Variants in SCAMP4 observed in about 807,000 individuals in gnomAD.
SCAMP4 encodes the protein secretory carrier membrane protein 4.
SCAMP4 carries 19 observed loss-of-function variants against 32.1 expected under a neutral mutation model. The observed-to-expected ratio is 0.59, with a 90% CI of 0.41 to 0.87. The LOEUF is 0.87. SCAMP4 is among the 40% of genes least tolerant of loss of function. SCAMP4 has a pLI of 0.00. For synonymous variants in SCAMP4, 152 were observed against 132.7 expected (o/e 1.15, Z -1.00); for missense variants, 302 against 309.0 (o/e 0.98, Z 0.17).
intron 3 of SCAMP4, 26 bp from the exon 4 acceptor site, chr19:1,918,101 C>T (rs370997241): frequency 1.3e-5 from 21 of 1,592,814 alleles, no homozygotes; most frequent in South Asian, 2.2e-5. Flanking sequence ...CGTGCCTGCT[C>T]ATCCGTCCTC....
chr19:1,913,188 G>T (rs2013591983), intron 1 of SCAMP4: 9 of 1,470,994 alleles, frequency 6.1e-6, no homozygotes, highest in Non-Finnish European at 8.1e-6. Context: ...TCCCGCTCCC[G>T]GCCGTGGGGC....
chr19:1,921,963 C>T (rs915081174), intron 5 of SCAMP4: 2 of 985,394 alleles, frequency 2.0e-6, no homozygotes, highest in South Asian at 4.7e-5. Context: ...ACGCCCCGTG[C>T]ATGTGTGTGC....
intron 1 of SCAMP4, chr19:1,912,058 G>C (rs2013480621): frequency 7.0e-7 from 1 of 1,431,622 alleles, no homozygotes; most frequent in African/African-American, 1.5e-5. Context: ...ATGATCCTCT[G>C]CTCCCGTCTC....
chr19:1,922,137 CTG>C (rs969231288), intron 5 of SCAMP4: 2 of 985,366 alleles, frequency 2.0e-6, no homozygotes, highest in Non-Finnish European at 2.4e-6. Context: ...CTCAAAATGA[CTG>C]TTTTCTGCCT....
At chr19:1,922,933 A>G in intron 5 of SCAMP4, 137 bp from the exon 6 acceptor site, 3 of 1,353,640 alleles carry the variant, frequency 2.2e-6, no homozygotes, top group South Asian at 1.9e-5. Context: ...TTTGTTGGCC[A>G]CTTGGTCGTC....
intron 6 of SCAMP4, 23 bp from the exon 7 acceptor site, chr19:1,924,085 C>T (rs1157055778): frequency 2.5e-6 from 4 of 1,568,890 alleles, no homozygotes; most frequent in Admixed American, 1.8e-5. Flanking sequence ...TGTCTTCTGC[C>T]TCCCTGTCCT....
chr19:1,919,236 A>G, intron 5 of SCAMP4: 1 of 1,366,554 alleles, frequency 7.3e-7, no homozygotes. Flanking sequence ...TCGCCCTGGC[A>G]GTGCCTGCGT....
intron 5 of SCAMP4, chr19:1,920,449 G>T: frequency 1.6e-6 from 1 of 615,040 alleles, no homozygotes; most frequent in Non-Finnish European, 2.0e-6. Context: ...TCCTGCACCT[G>T]CGCCTGGCGC....
intron 2 of SCAMP4, 35 bp from the exon 3 acceptor site, chr19:1,917,659 G>A (rs1300494261): frequency 6.2e-7 from 1 of 1,613,288 alleles, no homozygotes; most frequent in East Asian, 2.2e-5. Flanking sequence ...AAGAGACAAA[G>A]TCTGGTTCTG....
intron 5 of SCAMP4, chr19:1,922,861 ATGG>A (rs541471439): frequency 3.4e-4 from 436 of 1,294,936 alleles, no homozygotes; most frequent in Non-Finnish European, 4.1e-4. Flanking sequence ...CACTGCTGCG[ATGG>A]TGGAGGGATA....
At chr19:1,918,104 C>G (rs1373542565) in intron 3 of SCAMP4, 23 bp from the exon 4 acceptor site, 1 of 1,594,324 alleles carries the variant, frequency 6.3e-7, no homozygotes, top group Non-Finnish European at 8.6e-7. Context: ...GCCTGCTCAT[C>G]CGTCCTCCCT....
At chr19:1,913,366 G>C in intron 1 of SCAMP4, 1 of 692,302 alleles carries the variant, frequency 1.4e-6, no homozygotes, top group South Asian at 2.0e-5. Context: ...CCCTTCTGCG[G>C]CCGCCCTTGC....
At chr19:1,923,836 A>G (rs572818400) in intron 6 of SCAMP4, among the ~76,000 whole-genome samples, 1 of 123,914 alleles carries the variant, frequency 8.1e-6, no homozygotes, top group East Asian at 3.8e-4. Context: ...CGTGTTAGCC[A>G]GGATGGTCTC....
intron 6 of SCAMP4, among the ~76,000 whole-genome samples, chr19:1,923,641 C>CA (rs1306065885): frequency 2.3e-5 from 1 of 44,008 alleles, no homozygotes; most frequent in African/African-American, 1.3e-4. Context: ...TTTTTTTAGA[C>CA]AGAGTCTCGC....
intron 4 of SCAMP4, chr19:1,918,686 C>T (rs867208597): frequency 4.2e-5 from 32 of 763,638 alleles, no homozygotes; most frequent in Middle Eastern, 4.1e-4. Context: ...CGCTTGAACC[C>T]GGGAGGCAGA....
At position 1,923,132 on chromosome 19, in the gene SCAMP4, T is replaced by C; in HGVS notation, c.458T>C (p.Leu153Pro). The C allele has an allele frequency of 6.4e-7, 1 of 1,553,416 alleles. No homozygotes were observed. Among genetic ancestry groups the C allele is most frequent in the Non-Finnish European group, 8.7e-7 (1 of 1,148,066 alleles). Residue 153 changes from leucine to proline, a missense_variant, in exon 6 of 7, where the codon CTT becomes CCT. Leu to Pro is a moderately conservative substitution (Grantham distance 98). Coordinates refer to ENST00000316097, the MANE Select transcript of SCAMP4 (RefSeq NM_079834.4). ...CCGGGCGCTGCCGTGGTCATGCTGC[T>C]TCCAGCCATCATGTTCTCCGTGTCG... Reference protein sequence around the residue: ...YSPGAAVVMLLPAIMFSVSAA... With the variant: ...YSPGAAVVMLPPAIMFSVSAA...
chr19:1,923,200 C>A lies in SCAMP4; in HGVS notation c.513+13C>A. 6.5e-7 allele frequency: 1 copy of A among 1,542,222 alleles called. No individual in the cohort carries two copies. Among genetic ancestry groups the A allele is most frequent in the Non-Finnish European group, 8.8e-7 (1 of 1,140,688 alleles). Reference sequence around the variant, plus strand: ...CGCGATCATGAAGGTGAGTCCTCGGCTTTGTGACGTCCAGCCCTTACCCCT... The same window carrying A: ...CGCGATCATGAAGGTGAGTCCTCGGATTTGTGACGTCCAGCCCTTACCCCT... On this transcript the variant is annotated intron_variant, in intron 6 of 6. Coordinates refer to ENST00000316097, the MANE Select transcript of SCAMP4 (RefSeq NM_079834.4).
At chr19:1,905,571 C>T in intron 1 of SCAMP4, 132 bp downstream of exon 1, 1 of 199,146 alleles carries the variant, frequency 5.0e-6, no homozygotes, top group South Asian at 6.6e-5. Flanking sequence ...GGGGCCCAGG[C>T]CAGCCTCGCG....
At chr19:1,924,014 C>T in intron 6 of SCAMP4, 94 bp from the exon 7 acceptor site, 1 of 835,824 alleles carries the variant, frequency 1.2e-6, no homozygotes, top group Non-Finnish European at 1.8e-6. Flanking sequence ...TCTGCCTCGG[C>T]CTCCCGAAGT....
Sources: gnomAD v4.1 joint callset for allele counts (sites outside exome capture counted in the v4.1 genomes callset) on GRCh38, gnomAD v4.1.1 for gene constraint, MANE v1.5 for transcripts, NCBI Gene and HGNC (gene_info 2026-07-23, HGNC 2026-07-21) for gene names.